FLRT2: variants seen among roughly 807,000 people sequenced by gnomAD.
The protein encoded by FLRT2 is fibronectin leucine rich transmembrane protein 2, also known as leucine-rich repeat transmembrane protein FLRT2.
FLRT2 carries 15 observed loss-of-function variants against 40.0 expected under a neutral mutation model. That is an observed-to-expected ratio of 0.38 (90% confidence interval 0.25 to 0.58). FLRT2 has a LOEUF of 0.58. FLRT2 is among the 20% of genes least tolerant of loss of function. The probability of loss-of-function intolerance (pLI) is 0.71; values close to 1 mark genes in which losing one functional copy is unlikely to be tolerated. For synonymous variants in FLRT2, 380 were observed against 336.8 expected (o/e 1.13, Z -1.41); for missense variants, 726 against 840.0 (o/e 0.86, Z 1.68).
Position 85,635,061 on chromosome 14 carries a change from T to G in FLRT2, c.*11564T>G, listed in dbSNP as rs564499878. ...GCAAACATATAAACACTCAGTTTCA[T>G]TGACTTAAGTATAAAGACTAACATG... On this transcript the variant is annotated 3_prime_UTR_variant, in exon 2 of 2. Transcript: ENST00000330753. The G allele has an allele frequency of 6.6e-6, 1 of 152,288 alleles. No homozygotes were observed. Among genetic ancestry groups the G allele is most frequent in the South Asian group, 2.1e-4 (1 of 4,820 alleles). The allele number at this position is 152,288 out of a possible 1,614,324, so 9.4% of individuals were successfully genotyped here. A position where few individuals can be genotyped will look rare whatever the true frequency, so the allele number is the denominator to read the frequency against.
At chr14:85,547,621 C>T (rs1031282145) in intron 1 of FLRT2, among the ~76,000 whole-genome samples, 4 of 152,264 alleles carry the variant, frequency 2.6e-5, no homozygotes, top group African/African-American at 7.2e-5. Context: ...CTTGCTCGGC[C>T]GCTTTGTCTT....
chr14:85,539,791 A>G (rs1046241730), intron 1 of FLRT2, among the ~76,000 whole-genome samples: 11 of 152,166 alleles, frequency 7.2e-5, no homozygotes, highest in Non-Finnish European at 1.5e-4. Flanking sequence ...GTGCTATGAT[A>G]GACTAGGTTT....
Position 85,636,390 on chromosome 14 carries a change from G to GAAAAAAAAAAAAA in FLRT2, c.*12899_*12911dup, listed in dbSNP as rs35764416. ...AAAATCAAAGGTGAAGTCACCTGCA[G>GAAAAAAAAAAAAA]AAAAAAAAAAAAAAAAAACAAAAAA... is the stretch of plus-strand genomic sequence containing the variant. On this transcript the variant is annotated 3_prime_UTR_variant, in exon 2 of 2. Coordinates refer to ENST00000330753, the MANE Select transcript of FLRT2 (RefSeq NM_013231.6). The GAAAAAAAAAAAAA allele has an allele frequency of 1.3e-5, 1 of 75,318 alleles. No homozygotes were observed. Among genetic ancestry groups the GAAAAAAAAAAAAA allele is most frequent in the Non-Finnish European group, 2.4e-5 (1 of 41,146 alleles). 4.7% of individuals were successfully genotyped at this position (75,318 alleles called of 1,614,324 possible).
chr14:85,612,061 CAAAA>C (rs11298272), intron 1 of FLRT2, among the ~76,000 whole-genome samples: 4 of 62,260 alleles, frequency 6.4e-5, no homozygotes, highest in Non-Finnish European at 8.6e-5. Context: ...ACTTACTTTT[CAAAA>C]AAAAAAAAAA....
chr14:85,548,849 A>G (rs1389280097), intron 1 of FLRT2, among the ~76,000 whole-genome samples: 1 of 152,104 alleles, frequency 6.6e-6, no homozygotes, highest in Non-Finnish European at 1.5e-5. Flanking sequence ...CTTTTCCAAA[A>G]CCATACTGGC....
chr14:85,622,920 G>A lies in FLRT2; in HGVS notation c.1406G>A (p.Arg469His), dbSNP rs200926038. The A allele has an allele frequency of 1.7e-5, 28 of 1,614,036 alleles. No individual in the cohort carries two copies. Among genetic ancestry groups the A allele is most frequent in the East Asian group, 6.7e-5 (3 of 44,878 alleles). The change falls in exon 2 of 2, where the codon CGC becomes CAC. Residue 469 changes from arginine to histidine, a missense_variant. Transcript: ENST00000330753. ...HSLVGGIVQE[R>H]IVSGEKQHLS... ...TTAGTAGGGGGCATCGTTCAGGAGC[G>A]CATAGTCAGCGGTGAGAAGCAACAC... is the stretch of plus-strand genomic sequence containing the variant.
chr14:85,623,204 T>A lies in FLRT2; in HGVS notation c.1690T>A (p.Trp564Arg). 6.5e-7 allele frequency: 1 copy of A among 1,539,200 alleles called. No individual in the cohort carries two copies. The highest frequency in any genetic ancestry group is 8.7e-7 in the Non-Finnish European group (1 of 1,144,056). The part of the protein sequence containing the change: ...VLVVLLSVFC[W>R]HMHKKGRYTS... ...GGTGGTCTTGCTCAGCGTCTTTTGC[T>A]GGCATATGCACAAAAAGGGGCGCTA... is the stretch of plus-strand genomic sequence containing the variant. The change falls in exon 2 of 2, where the codon TGG becomes AGG. Residue 564 changes from tryptophan to arginine, a missense_variant. Trp to Arg is a moderately radical substitution (Grantham distance 101). Coordinates refer to ENST00000330753, the MANE Select transcript of FLRT2 (RefSeq NM_013231.6).
chr14:85,540,080 A>G (rs1888898090), intron 1 of FLRT2, among the ~76,000 whole-genome samples: 2 of 152,294 alleles, frequency 1.3e-5, no homozygotes, highest in Admixed American at 1.3e-4. Context: ...TTGGAAAAAT[A>G]AATCATCAAT....
intron 1 of FLRT2, among the ~76,000 whole-genome samples, chr14:85,589,056 A>G (rs907307330): frequency 1.3e-5 from 2 of 152,188 alleles, no homozygotes; most frequent in African/African-American, 4.8e-5. Context: ...CAGTGCTGCA[A>G]CAAACATGGG....
In FLRT2 at chr14:85,647,172, A is replaced by G. The variant is rs1050568265; in HGVS notation, c.*23675A>G. On this transcript the variant is annotated 3_prime_UTR_variant, in exon 2 of 2. Transcript: ENST00000330753. ...TGAAGGTGCCTGAGGTACCCCATGT[A>G]TATATAGCATGTTATGAATGTTAGG... 3.9e-5 allele frequency: 6 copies of G among 152,216 alleles called. No individual in the cohort carries two copies. Among genetic ancestry groups the G allele is most frequent in the Non-Finnish European group, 8.8e-5 (6 of 68,020 alleles). The allele number at this position is 152,216 out of a possible 1,614,324, so 9.4% of individuals were successfully genotyped here.
intron 1 of FLRT2, among the ~76,000 whole-genome samples, chr14:85,546,738 G>A (rs919363090): frequency 3.9e-5 from 6 of 152,188 alleles, no homozygotes; most frequent in African/African-American, 4.8e-5. Context: ...ACATGCATCC[G>A]TCAAGAATCA....
intron 1 of FLRT2, among the ~76,000 whole-genome samples, chr14:85,543,454 C>T (rs1889095212): frequency 6.6e-6 from 1 of 151,988 alleles, no homozygotes. Flanking sequence ...GCGGCAGTCT[C>T]CTGTCTGTTC....
chr14:85,631,132 A>ATATATATATATATATAT lies in FLRT2; in HGVS notation c.*7635_*7636insTATATATATATATATAT, dbSNP rs1555372977. 17 of 139,482 alleles carry ATATATATATATATATAT rather than the reference A, an allele frequency of 1.2e-4. No individual in the cohort carries two copies. Among genetic ancestry groups the ATATATATATATATATAT allele is most frequent in the African/African-American group, 1.9e-4 (7 of 36,280 alleles). The allele number at this position is 139,482 out of a possible 1,614,324, so 8.6% of individuals were successfully genotyped here. A position where few individuals can be genotyped will look rare whatever the true frequency, so the allele number is the denominator to read the frequency against. On this transcript the variant is annotated 3_prime_UTR_variant, in exon 2 of 2. Transcript: ENST00000330753. ...AGATTTTATATATATATATATATGA[A>ATATATATATATATATAT]ATGAGCAAACAAAATGCTTTCAGTT...
rs755640567 is a variant in FLRT2 at position 85,635,012 on chromosome 14, G to A, written c.*11515G>A. The A allele has an allele frequency of 7.9e-5, 12 of 152,138 alleles. No homozygotes were observed. The highest frequency in any genetic ancestry group is 1.5e-4 in the Non-Finnish European group (10 of 68,010). 9.4% of individuals were successfully genotyped at this position (152,138 alleles called of 1,614,324 possible). On this transcript the variant is annotated 3_prime_UTR_variant, in exon 2 of 2. Coordinates refer to ENST00000330753, the MANE Select transcript of FLRT2 (RefSeq NM_013231.6). Reference sequence around the variant, plus strand: ...TGTTCTGTGTGCTTTTAAAATTCAGGAAGATGTGACTAGGATAGATAAAGC... The same window carrying A: ...TGTTCTGTGTGCTTTTAAAATTCAGAAAGATGTGACTAGGATAGATAAAGC...
rs1274077737 is a variant in FLRT2 at position 85,647,989 on chromosome 14, T to C, written c.*24492T>C. The C allele has an allele frequency of 2.0e-5, 3 of 152,188 alleles. No homozygotes were observed. Among genetic ancestry groups the C allele is most frequent in the Non-Finnish European group, 4.4e-5 (3 of 68,034 alleles). The allele number at this position is 152,188 out of a possible 1,614,324, so 9.4% of individuals were successfully genotyped here. A position where few individuals can be genotyped will look rare whatever the true frequency, so the allele number is the denominator to read the frequency against. On this transcript the variant is annotated 3_prime_UTR_variant, in exon 2 of 2. Transcript: ENST00000330753. ...CTTCTTTGCCTTGTTATGCATGTAC[T>C]GACTTTTTACCTCTTTCTTTTTCCC...
At position 85,632,575 on chromosome 14, in the gene FLRT2, G is replaced by A. The variant is rs994931250; in HGVS notation, c.*9078G>A. On this transcript the variant is annotated 3_prime_UTR_variant, in exon 2 of 2. Transcript: ENST00000330753. ...ATTTCGACAGTCGGCTAGTCAAAAT[G>A]AATTCTTTGCATGTGAAAAGCAGAG... 1 of 147,460 alleles carries A rather than the reference G, an allele frequency of 6.8e-6. No homozygotes were observed. The highest frequency in any genetic ancestry group is 6.9e-5 in the Admixed American group (1 of 14,494). 9.1% of individuals were successfully genotyped at this position (147,460 alleles called of 1,614,324 possible).
chr14:85,594,267 C>T (rs1048617483), intron 1 of FLRT2, among the ~76,000 whole-genome samples: 1 of 152,118 alleles, frequency 6.6e-6, no homozygotes, highest in Non-Finnish European at 1.5e-5. Flanking sequence ...TAAACACTCT[C>T]AGTTAAGGGA....
Position 85,623,629 on chromosome 14 carries a change from A to G in FLRT2, c.*132A>G, listed in dbSNP as rs971416320. The G allele has an allele frequency of 6.1e-6, 4 of 661,018 alleles. No homozygotes were observed. The highest frequency in any genetic ancestry group is 4.7e-4 in the Middle Eastern group (1 of 2,116). The allele number at this position is 661,018 out of a possible 1,614,324, so 40.9% of individuals were successfully genotyped here. A position where few individuals can be genotyped will look rare whatever the true frequency, so the allele number is the denominator to read the frequency against. On this transcript the variant is annotated 3_prime_UTR_variant, in exon 2 of 2. Transcript: ENST00000330753. ...GCATTTGTGCATTTGAATACTCTGT[A>G]ATTTATACGGTGTACTATATAATGG...
chr14:85,643,331 C>G lies in FLRT2; in HGVS notation c.*19834C>G, dbSNP rs994204682. The G allele has an allele frequency of 8.6e-6, 1 of 116,220 alleles. No individual in the cohort carries two copies. The highest frequency in any genetic ancestry group is 1.7e-5 in the Non-Finnish European group (1 of 58,180). 7.2% of individuals were successfully genotyped at this position (116,220 alleles called of 1,614,324 possible). A position where few individuals can be genotyped will look rare whatever the true frequency, so the allele number is the denominator to read the frequency against. On this transcript the variant is annotated 3_prime_UTR_variant, in exon 2 of 2. Transcript: ENST00000330753. ...TCTTTCTTTCTTTCTTTCTTTCTTT[C>G]TTTCTTTCTTTCTTTCTTTCTTTCT...
Sources: gnomAD v4.1 joint callset for allele counts (sites outside exome capture counted in the v4.1 genomes callset) on GRCh38, gnomAD v4.1.1 for gene constraint, MANE v1.5 for transcripts, NCBI Gene and HGNC (gene_info 2026-07-23, HGNC 2026-07-21) for gene names.